SF1: variants seen among roughly 807,000 people sequenced by gnomAD.
SF1 encodes the protein branch point-binding protein.
In SF1, 7 loss-of-function variants were observed where a neutral mutation model predicts 62.5. That is an observed-to-expected ratio of 0.11 (90% CI 0.06 to 0.21). SF1 has a LOEUF of 0.21. Ranked by LOEUF, SF1 falls within the 10% of genes least tolerant of loss-of-function variation. The pLI is 1.00. For missense variants in SF1, 578 were observed against 884.0 expected, an observed-to-expected ratio of 0.65 and a Z score of 4.39; for synonymous variants, 394 against 323.6, an observed-to-expected ratio of 1.22 and a Z score of -2.33.
chr11:64,774,553 G>A (rs1447449689), intron 2 of SF1, among the ~76,000 whole-genome samples: 1 of 152,194 alleles, frequency 6.6e-6, no homozygotes, highest in East Asian at 1.9e-4. Flanking sequence ...CTGGCTCCAA[G>A]ATAGGATTAA....
In SF1 at chr11:64,766,141, T is replaced by C; in HGVS notation, c.1597A>G (p.Thr533Ala). The C allele has an allele frequency of 6.2e-7, 1 of 1,606,180 alleles. No individual in the cohort carries two copies. The highest frequency in any genetic ancestry group is 8.5e-7 in the Non-Finnish European group (1 of 1,179,628). ...LPWQQNTTTT[T>A]TSAGTGSIPP... is the part of the protein sequence containing the mutation. ...ATGGACCCTGTGCCAGCGCTCGTGGTGGTAGTCGTCGTATCTGGGGTGGTA... is the reference window on the plus strand; with the variant it reads ...ATGGACCCTGTGCCAGCGCTCGTGGCGGTAGTCGTCGTATCTGGGGTGGTA... Residue 533 changes from threonine to alanine, a missense_variant, in exon 13 of 13, where the codon ACC (threonine) becomes GCC (alanine). Physicochemically the swap from Thr to Ala is moderately conservative, Grantham distance 58. Transcript: ENST00000377390.
In SF1 at chr11:64,778,342, C is replaced by T; in HGVS notation, c.31+20G>A. The T allele has an allele frequency of 3.3e-6, 4 of 1,225,688 alleles. No individual in the cohort carries two copies. The highest frequency in any genetic ancestry group is 4.1e-6 in the Non-Finnish European group (4 of 983,488). The allele number at this position is 1,225,688 out of a possible 1,614,324, so 75.9% of individuals were successfully genotyped here. A position where few individuals can be genotyped will look rare whatever the true frequency, so the allele number is the denominator to read the frequency against. On this transcript the variant is annotated intron_variant, in intron 1 of 12. Transcript: ENST00000377390. ...CTTTGGGCCCGGGGAGCGGGGGCAG[C>T]CCGGGGGGGCCCAGCTTACCCAACG...
At chr11:64,777,967 GCT>G (rs1212037768) in intron 1 of SF1, 2 of 990,830 alleles carry the variant, frequency 2.0e-6, no homozygotes, top group East Asian at 2.2e-4. Flanking sequence ...CGCCTCTCGC[GCT>G]CTCTCGGCCC....
chr11:64,777,408 GA>G, intron 1 of SF1: 1 of 737,478 alleles, frequency 1.4e-6, no homozygotes, highest in Non-Finnish European at 1.7e-6. Context: ...TAAACATACT[GA>G]ACAGATTTAA....
Position 64,778,473 on chromosome 11 carries a change from C to T in SF1, c.-81G>A, listed in dbSNP as rs1430677370. 2.5e-6 allele frequency: 3 copies of T among 1,210,320 alleles called. No individual in the cohort carries two copies. The highest frequency in any genetic ancestry group is 3.1e-6 in the Non-Finnish European group (3 of 973,256). 75.0% of individuals were successfully genotyped at this position (1,210,320 alleles called of 1,614,324 possible). A position where few individuals can be genotyped will look rare whatever the true frequency, so the allele number is the denominator to read the frequency against. On this transcript the variant is annotated 5_prime_UTR_variant, in exon 1 of 13. Transcript: ENST00000377390. ...TCGCAAGCCTCCCGGGGGGAGGGGACCCGAATGCGCTGCCGGAGCGCGCGG... is the reference window on the plus strand; with the variant it reads ...TCGCAAGCCTCCCGGGGGGAGGGGATCCGAATGCGCTGCCGGAGCGCGCGG...
chr11:64,777,603 T>C (rs895560156), intron 1 of SF1: 2 of 985,284 alleles, frequency 2.0e-6, no homozygotes, highest in African/African-American at 3.5e-5. Context: ...CTGCACGTCA[T>C]CAGGTGAGGC....
intron 12 of SF1, chr11:64,766,395 A>T: frequency 1.8e-6 from 1 of 553,434 alleles, no homozygotes; most frequent in Non-Finnish European, 3.2e-6. Flanking sequence ...TGCCCCTGGA[A>T]GGGCTGAGGG....
At chr11:64,772,613 G>C in intron 3 of SF1, 1 of 985,216 alleles carries the variant, frequency 1.0e-6, no homozygotes, top group South Asian at 4.7e-5. Context: ...TGTACTAAGA[G>C]AAAATTCAGT....
At chr11:64,775,269 G>A (rs1284996465) in intron 2 of SF1, among the ~76,000 whole-genome samples, 3 of 152,118 alleles carry the variant, frequency 2.0e-5, no homozygotes, top group African/African-American at 7.2e-5. Flanking sequence ...AGTCCTTAGG[G>A]CCCAGTGAAC....
chr11:64,775,214 G>C (rs892373895), intron 2 of SF1, among the ~76,000 whole-genome samples: 1 of 152,124 alleles, frequency 6.6e-6, no homozygotes, highest in Non-Finnish European at 1.5e-5. Context: ...CTTCTGTGGA[G>C]AACTACACCT....
At chr11:64,771,688 A>G (rs1938343228) in intron 3 of SF1, 1 of 985,426 alleles carries the variant, frequency 1.0e-6, no homozygotes, top group Non-Finnish European at 1.2e-6. Context: ...AAGCAAACAT[A>G]CCCCAGCTCA....
intron 1 of SF1, chr11:64,777,349 G>C (rs1313762332): frequency 3.6e-6 from 1 of 274,036 alleles, no homozygotes; most frequent in Non-Finnish European, 5.5e-6. Flanking sequence ...GGATCAGAGG[G>C]AAAAGCTTTT....
chr11:64,775,256 AAT>A (rs1256261894), intron 2 of SF1, among the ~76,000 whole-genome samples: 2 of 152,216 alleles, frequency 1.3e-5, no homozygotes, highest in African/African-American at 4.8e-5. Flanking sequence ...TATAGCTATA[AAT>A]AGTCCTTAGG....
chr11:64,777,912 C>T, intron 1 of SF1: 1 of 945,078 alleles, frequency 1.1e-6, no homozygotes, highest in Non-Finnish European at 1.3e-6. Context: ...CAGCCGCCGT[C>T]GCCGCCGCCG....
At position 64,777,776 on chromosome 11, in the gene SF1, T is replaced by TCCCG. The variant is rs1469760295; in HGVS notation, c.31+582_31+585dup. 19 of 961,726 alleles carry TCCCG rather than the reference T, an allele frequency of 2.0e-5. No homozygotes were observed. In the African/African-American group the frequency reaches 2.7e-4, roughly 13 times the overall value. The allele number at this position is 961,726 out of a possible 1,614,324, so 59.6% of individuals were successfully genotyped here. ...TCACTGCGTCTGCGCACAGAGCGCC[T>TCCCG]CCCGCCCGCCCAGCCCTCCCCCCAC... On this transcript the variant is annotated intron_variant, in intron 1 of 12. Coordinates refer to ENST00000377390, the MANE Select transcript of SF1 (RefSeq NM_004630.4).
chr11:64,769,762 C>A, intron 5 of SF1, 153 bp from the exon 6 acceptor site: 5 of 779,866 alleles, frequency 6.4e-6, no homozygotes. Flanking sequence ...TATGGTCAGC[C>A]ACAGTAAACC....
At chr11:64,777,441 C>G (rs1344655758) in intron 1 of SF1, 12 of 921,480 alleles carry the variant, frequency 1.3e-5, no homozygotes, top group Non-Finnish European at 1.6e-5. Context: ...AACTAAAATT[C>G]TCTCCCCAAA....
chr11:64,777,495 C>T, intron 1 of SF1: 1 of 985,404 alleles, frequency 1.0e-6, no homozygotes, highest in Non-Finnish European at 1.2e-6. Context: ...TGAAGCATGC[C>T]AACCTCTCCC....
intron 1 of SF1, chr11:64,777,920 CCG>C (rs954915479): frequency 6.6e-5 from 64 of 966,122 alleles, no homozygotes; most frequent in Non-Finnish European, 7.5e-5. Flanking sequence ...GTCGCCGCCG[CCG>C]CGCGCCCCTC....
Sources: gnomAD v4.1 joint callset for allele counts (sites outside exome capture counted in the v4.1 genomes callset) on GRCh38, gnomAD v4.1.1 for gene constraint, MANE v1.5 for transcripts, NCBI Gene and HGNC (gene_info 2026-07-23, HGNC 2026-07-21) for gene names.